Variants in SH3PXD2A observed in about 807,000 individuals in gnomAD.
SH3PXD2A encodes the protein SH3 and PX domains 2A.
SH3PXD2A carries 32 observed loss-of-function variants against 115.2 expected under a neutral mutation model. The ratio of observed to expected loss-of-function variants is 0.28; its 90% CI spans 0.21 to 0.37. The LOEUF (loss-of-function observed/expected upper bound fraction) is 0.37, where lower values mean the gene tolerates loss of function less well. Among genes scored for constraint, SH3PXD2A ranks in the 10% least tolerant of loss-of-function variants. The pLI is 1.00. For missense variants in SH3PXD2A, 1,328 were observed against 1,498.7 expected (o/e 0.89, Z 1.88); for synonymous variants, 610 against 629.1 (o/e 0.97, Z 0.45).
intron 2 of SH3PXD2A, among the ~76,000 whole-genome samples, chr10:103,792,095 G>A (rs529286262): frequency 2.6e-5 from 4 of 152,284 alleles, no homozygotes; most frequent in South Asian, 2.1e-4. Flanking sequence ...AGCCAGCCAG[G>A]GAATCCCCAA....
Position 103,597,130 on chromosome 10 carries a change from G to A in SH3PXD2A, c.*4686C>T, listed in dbSNP as rs1018836935. On this transcript the variant is annotated 3_prime_UTR_variant, in exon 15 of 15. Transcript: ENST00000369774. The stretch of plus-strand genomic sequence containing the variant: ...CAGAATTTGTATGGACTCTCTGGGT[G>A]TGGAGCCCAGGCAGGGCTCACTTCT... 3.9e-5 allele frequency: 6 copies of A among 152,694 alleles called. No homozygotes were observed. The highest frequency in any genetic ancestry group is 9.6e-5 in the African/African-American group (4 of 41,470). The allele number at this position is 152,694 out of a possible 1,614,324, so 9.5% of individuals were successfully genotyped here.
chr10:103,615,563 A>G (rs1176106959), intron 11 of SH3PXD2A, among the ~76,000 whole-genome samples: 3 of 143,582 alleles, frequency 2.1e-5, no homozygotes, highest in Non-Finnish European at 1.5e-5. Flanking sequence ...AAGACAGGAA[A>G]TGAGGATCAA....
intron 8 of SH3PXD2A, among the ~76,000 whole-genome samples, chr10:103,647,844 G>A (rs376562183): frequency 3.3e-5 from 5 of 152,148 alleles, no homozygotes; most frequent in African/African-American, 4.8e-5. Flanking sequence ...GAGCAGCGTC[G>A]TTCATGCCCA....
intron 5 of SH3PXD2A, among the ~76,000 whole-genome samples, chr10:103,702,142 C>G (rs1380770036): frequency 6.6e-6 from 1 of 151,408 alleles, no homozygotes; most frequent in Non-Finnish European, 1.5e-5. Context: ...CTACCATTCA[C>G]CCATCATCCA....
intron 2 of SH3PXD2A, among the ~76,000 whole-genome samples, chr10:103,795,275 C>T (rs1012878923): frequency 2.6e-5 from 4 of 151,906 alleles, no homozygotes; most frequent in East Asian, 1.9e-4. Context: ...GTGGCCACCG[C>T]GTTGGACAGT....
At chr10:103,808,015 C>T (rs1274739480) in intron 1 of SH3PXD2A, among the ~76,000 whole-genome samples, 2 of 152,120 alleles carry the variant, frequency 1.3e-5, no homozygotes, top group Non-Finnish European at 2.9e-5. Flanking sequence ...CAAAGTGCCC[C>T]CATGTACAAG....
At chr10:103,731,795 G>A (rs1210921158) in intron 4 of SH3PXD2A, among the ~76,000 whole-genome samples, 1 of 152,186 alleles carries the variant, frequency 6.6e-6, no homozygotes, top group Non-Finnish European at 1.5e-5. Flanking sequence ...AGGAACCACT[G>A]CCATGCAATA....
chr10:103,803,379 C>T (rs1484095830), intron 1 of SH3PXD2A, among the ~76,000 whole-genome samples: 1 of 152,146 alleles, frequency 6.6e-6, no homozygotes, highest in African/African-American at 2.4e-5. Context: ...TCACATGATA[C>T]ATTGTAAAAC....
chr10:103,621,676 A>G (rs1261936761), intron 10 of SH3PXD2A, among the ~76,000 whole-genome samples: 1 of 152,204 alleles, frequency 6.6e-6, no homozygotes, highest in African/African-American at 2.4e-5. Flanking sequence ...AGGGGACTGC[A>G]GATGTTTAAG....
At chr10:103,621,495 C>T (rs2036602798) in intron 10 of SH3PXD2A, among the ~76,000 whole-genome samples, 2 of 152,108 alleles carry the variant, frequency 1.3e-5, no homozygotes, top group Admixed American at 1.3e-4. Context: ...GGGCCTGGGG[C>T]AGACACCAAA....
chr10:103,659,208 A>C (rs1432424641), intron 8 of SH3PXD2A, among the ~76,000 whole-genome samples: 3 of 152,176 alleles, frequency 2.0e-5, no homozygotes, highest in Non-Finnish European at 4.4e-5. Context: ...CAGCAGGATG[A>C]CTTCCTCTTG....
intron 9 of SH3PXD2A, among the ~76,000 whole-genome samples, chr10:103,623,241 C>T (rs2036635012): frequency 6.6e-6 from 1 of 151,590 alleles, no homozygotes; most frequent in South Asian, 2.1e-4. Flanking sequence ...TCCTCTCAGG[C>T]CACCCATCGG....
At chr10:103,682,103 G>A (rs1022168102) in intron 6 of SH3PXD2A, among the ~76,000 whole-genome samples, 3 of 152,210 alleles carry the variant, frequency 2.0e-5, no homozygotes, top group African/African-American at 7.2e-5. Flanking sequence ...ATAGGAGTGA[G>A]GGGGCAGAGG....
intron 1 of SH3PXD2A, among the ~76,000 whole-genome samples, chr10:103,841,781 A>C (rs763658169): frequency 2.0e-5 from 3 of 151,858 alleles, no homozygotes; most frequent in African/African-American, 7.3e-5. Context: ...CTCAAGTCTT[A>C]CTCAAAAGCC....
At position 103,605,930 on chromosome 10, in the gene SH3PXD2A, AAC is replaced by A. The variant is rs2036293082; in HGVS notation, c.1309-15_1309-14del. On this transcript the variant is annotated splice_polypyrimidine_tract_variant and intron_variant, in intron 13 of 14. Transcript: ENST00000369774. Reference sequence around the variant, plus strand: ...GCAGTTGGAACCCCTAAGGTTAAGGAACACACAGTGGGCAAAACCCGCCTAAA... The same window carrying A: ...GCAGTTGGAACCCCTAAGGTTAAGGAACACAGTGGGCAAAACCCGCCTAAA... 3.1e-6 allele frequency: 5 copies of A among 1,613,544 alleles called. No homozygotes were observed. Among genetic ancestry groups the A allele is most frequent in the Admixed American group, 1.7e-5 (1 of 59,996 alleles).
At chr10:103,817,508 T>C (rs2039336751) in intron 1 of SH3PXD2A, among the ~76,000 whole-genome samples, 2 of 152,124 alleles carry the variant, frequency 1.3e-5, no homozygotes, top group African/African-American at 4.8e-5. Context: ...ACCTGGCTAA[T>C]TTTTGTATTT....
At chr10:103,655,516 T>C (rs2037197581) in intron 8 of SH3PXD2A, among the ~76,000 whole-genome samples, 1 of 152,078 alleles carries the variant, frequency 6.6e-6, no homozygotes, top group Admixed American at 6.6e-5. Context: ...CTCACACCTG[T>C]AATCCCAGCA....
At chr10:103,706,020 G>C (rs977276405) in intron 5 of SH3PXD2A, among the ~76,000 whole-genome samples, 1 of 149,372 alleles carries the variant, frequency 6.7e-6, no homozygotes, top group Admixed American at 6.7e-5. Flanking sequence ...AAAAAAAAAA[G>C]AAAGAAAGAA....
At position 103,797,330 on chromosome 10, in the gene SH3PXD2A, C is replaced by A. The variant is rs376040554; in HGVS notation, c.153+3952G>T. 2.6e-5 allele frequency among the ~76,000 whole-genome samples: 4 copies of A among 152,112 alleles called. No individual in the cohort carries two copies. In the East Asian group the frequency reaches 7.7e-4, roughly 29 times the overall value. On this transcript the variant is annotated intron_variant, in intron 2 of 14. Transcript: ENST00000369774. ...GGGAAGGGGACGCTGAGATAAATGG[C>A]TCTGCTCTGCACGGTCCTAAGGCTT...
Sources: gnomAD v4.1 joint callset for allele counts (sites outside exome capture counted in the v4.1 genomes callset) on GRCh38, gnomAD v4.1.1 for gene constraint, MANE v1.5 for transcripts, NCBI Gene and HGNC (gene_info 2026-07-23, HGNC 2026-07-21) for gene names.